ACER3: variants seen among roughly 807,000 people sequenced by gnomAD.
ACER3 encodes the protein alkaline ceramidase 3, also known as alkCDase 3.
Under a neutral mutation model 48.9 loss-of-function variants are expected in ACER3, and 16 were observed. That is an observed-to-expected ratio of 0.33 (90% confidence interval 0.22 to 0.50). The LOEUF is 0.50. ACER3 is among the 20% of genes least tolerant of loss of function. ACER3 has a pLI of 0.98. For synonymous variants in ACER3, 109 were observed against 107.8 expected (o/e 1.01, Z -0.07); for missense variants, 227 against 326.0 (o/e 0.70, Z 2.34).
intron 2 of ACER3, among the ~76,000 whole-genome samples, chr11:76,942,307 T>G (rs548949366): frequency 6.5e-4 from 99 of 152,166 alleles, no homozygotes; most frequent in Non-Finnish European, 1.1e-3. Context: ...ATGGATTTGT[T>G]GTATCTGGCC....
At chr11:76,881,600 T>C (rs1167589920) in intron 1 of ACER3, among the ~76,000 whole-genome samples, 3 of 152,216 alleles carry the variant, frequency 2.0e-5, no homozygotes, top group African/African-American at 7.2e-5. Context: ...AAGGCAACTA[T>C]ATAGGCTCAT....
chr11:77,015,194 A>G, intron 8 of ACER3, 77 bp downstream of exon 8: 1 of 760,418 alleles, frequency 1.3e-6, no homozygotes, highest in Non-Finnish European at 2.2e-6. Context: ...AACATATAGA[A>G]ATAGTAGTGC....
Position 76,868,385 on chromosome 11 carries a change from C to CTGTG in ACER3, c.103+7307_103+7308insGTGT, listed in dbSNP as rs1305396681. On this transcript the variant is annotated intron_variant, in intron 1 of 10. Transcript: ENST00000532485. ...GAGTTTAGTTTTAATATCTCTCTCT[C>CTGTG]TCTCTCTGTGTGTGTGTGTGTGTGT... 6.6e-5 allele frequency: 36 copies of CTGTG among 546,056 alleles called. 1 individual carries two copies. The highest frequency in any genetic ancestry group is 6.5e-4 in the Admixed American group (16 of 24,682). 33.8% of individuals were successfully genotyped at this position (546,056 alleles called of 1,614,324 possible).
At chr11:77,010,754 T>C (rs1009119130) in intron 7 of ACER3, among the ~76,000 whole-genome samples, 2 of 152,038 alleles carry the variant, frequency 1.3e-5, no homozygotes, top group Non-Finnish European at 2.9e-5. Context: ...GAGGCAGGAA[T>C]ATATACAAAG....
Position 76,943,986 on chromosome 11 carries a change from T to G in ACER3, c.215-14993T>G, listed in dbSNP as rs138645212. Among the ~76,000 whole-genome samples, 12 of 152,114 alleles carry G rather than the reference T, an allele frequency of 7.9e-5. No individual in the cohort carries two copies. In the South Asian group the frequency reaches 1.2e-3, roughly 16 times the overall value. ...TAAGTATAGTTATTCCTGTGCACTTTTGATTTCTGTTTTCATAGAATGTCT... is the reference window on the plus strand; with the variant it reads ...TAAGTATAGTTATTCCTGTGCACTTGTGATTTCTGTTTTCATAGAATGTCT... On this transcript the variant is annotated intron_variant, in intron 2 of 10. Transcript: ENST00000532485.
intron 7 of ACER3, among the ~76,000 whole-genome samples, chr11:77,011,020 C>T (rs1168147849): frequency 3.3e-5 from 5 of 152,150 alleles, no homozygotes; most frequent in East Asian, 1.9e-4. Flanking sequence ...AGGACGAGTG[C>T]GTGGGATACA....
intron 1 of ACER3, among the ~76,000 whole-genome samples, chr11:76,924,135 T>C (rs1590937147): frequency 6.6e-6 from 1 of 151,950 alleles, no homozygotes; most frequent in African/African-American, 2.4e-5. Context: ...GGCAGTAAGG[T>C]AGGGGCAATC....
intron 3 of ACER3, among the ~76,000 whole-genome samples, chr11:76,965,515 C>T (rs1213502685): frequency 3.3e-5 from 5 of 151,252 alleles, no homozygotes; most frequent in Middle Eastern, 3.4e-3. Context: ...CTCAGATTCA[C>T]GAAAGCTGAA....
intron 2 of ACER3, among the ~76,000 whole-genome samples, chr11:76,948,576 A>T (rs1348511845): frequency 6.6e-6 from 1 of 152,168 alleles, no homozygotes; most frequent in Non-Finnish European, 1.5e-5. Flanking sequence ...TTTTGATAGT[A>T]CTAATAACAC....
At chr11:76,867,456 G>A (rs1352591756) in intron 1 of ACER3, among the ~76,000 whole-genome samples, 3 of 106,432 alleles carry the variant, frequency 2.8e-5, no homozygotes, top group African/African-American at 1.2e-4. Flanking sequence ...GTGACAGAGT[G>A]AGACTCTGTC....
intron 3 of ACER3, among the ~76,000 whole-genome samples, chr11:76,969,498 A>G (rs1948234299): frequency 6.6e-6 from 1 of 152,100 alleles, no homozygotes. Flanking sequence ...AGGCACACGT[A>G]TGTTTATTGT....
intron 1 of ACER3, among the ~76,000 whole-genome samples, chr11:76,901,078 T>C (rs2134668445): frequency 6.6e-6 from 1 of 152,296 alleles, no homozygotes; most frequent in African/African-American, 2.4e-5. Context: ...TGATGTTCTG[T>C]CTATGGGCCT....
intron 4 of ACER3, among the ~76,000 whole-genome samples, chr11:76,983,894 G>A (rs867659404): frequency 1.3e-5 from 2 of 150,858 alleles, no homozygotes; most frequent in South Asian, 2.1e-4. Flanking sequence ...GGATTCACGC[G>A]ATTCTCCTGC....
intron 2 of ACER3, among the ~76,000 whole-genome samples, chr11:76,950,107 C>T (rs1947601651): frequency 6.6e-6 from 1 of 151,814 alleles, no homozygotes. Context: ...CTTTTCTGCT[C>T]TCCCACAGAA....
At chr11:76,926,168 A>G (rs1946824613) in intron 1 of ACER3, among the ~76,000 whole-genome samples, 1 of 152,216 alleles carries the variant, frequency 6.6e-6, no homozygotes, top group African/African-American at 2.4e-5. Context: ...AAATTAAGCC[A>G]ATCCTGTATT....
intron 1 of ACER3, among the ~76,000 whole-genome samples, chr11:76,917,057 C>T (rs1398622486): frequency 6.6e-6 from 1 of 152,174 alleles, no homozygotes; most frequent in African/African-American, 2.4e-5. Flanking sequence ...CTTCCCAAAC[C>T]TACAATGTAC....
chr11:76,884,673 C>CT (rs1434686395), intron 1 of ACER3, among the ~76,000 whole-genome samples: 1 of 152,066 alleles, frequency 6.6e-6, no homozygotes, highest in African/African-American at 2.4e-5. Context: ...TTAGTTTTTG[C>CT]TTTAAGTATT....
intron 7 of ACER3, among the ~76,000 whole-genome samples, chr11:77,011,898 C>T (rs1400577760): frequency 6.6e-6 from 1 of 152,050 alleles, no homozygotes; most frequent in Non-Finnish European, 1.5e-5. Context: ...CAAAACAAAA[C>T]CCTTTACAAA....
At chr11:76,941,012 AAC>A (rs370121849) in intron 2 of ACER3, among the ~76,000 whole-genome samples, 1,907 of 146,284 alleles carry the variant, frequency 0.013, 29 homozygotes, top group African/African-American at 0.038. Flanking sequence ...TGTGTGTATA[AAC>A]ACACACACAC....
Sources: gnomAD v4.1 joint callset for allele counts (sites outside exome capture counted in the v4.1 genomes callset) on GRCh38, gnomAD v4.1.1 for gene constraint, MANE v1.5 for transcripts, NCBI Gene and HGNC (gene_info 2026-07-23, HGNC 2026-07-21) for gene names.